Variants in ARL15 observed in about 807,000 individuals in gnomAD.
ARL15 encodes ARF like GTPase 15.
A neutral mutation model predicts 25.2 loss-of-function variants in ARL15; 19 were observed. That is an observed-to-expected ratio of 0.75 (90% CI 0.53 to 1.10). ARL15 has a LOEUF of 1.10. Ranked by LOEUF, ARL15 falls within the 50% of genes least tolerant of loss-of-function variation. ARL15 has a pLI of 0.00. For synonymous variants in ARL15, 94 were observed against 86.8 expected (o/e 1.08, Z -0.46); for missense variants, 220 against 246.0 (o/e 0.89, Z 0.71).
chr5:54,143,963 A>G (rs959719820), intron 3 of ARL15, among the ~76,000 whole-genome samples: 7 of 151,988 alleles, frequency 4.6e-5, no homozygotes, highest in Non-Finnish European at 1.0e-4. Flanking sequence ...ATCATAATCT[A>G]TACCCTAAAT....
intron 1 of ARL15, among the ~76,000 whole-genome samples, chr5:54,184,893 T>C (rs1395109209): frequency 1.3e-5 from 2 of 152,166 alleles, no homozygotes; most frequent in African/African-American, 4.8e-5. Flanking sequence ...CTGGTGTCAT[T>C]AGTTCAGGTC....
chr5:54,150,481 G>A (rs561783155), intron 3 of ARL15, among the ~76,000 whole-genome samples: 1 of 152,170 alleles, frequency 6.6e-6, no homozygotes, highest in South Asian at 2.1e-4. Context: ...TTTGAGCAGA[G>A]AGCAAGGTAT....
chr5:53,889,411 G>A (rs889887813), intron 4 of ARL15, among the ~76,000 whole-genome samples: 1 of 152,208 alleles, frequency 6.6e-6, no homozygotes, highest in Non-Finnish European at 1.5e-5. Flanking sequence ...TAATACAGGT[G>A]TCTGCAGGTA....
rs1342675344 is a variant in ARL15 at position 54,309,048 on chromosome 5, G to A, written c.48+1384C>T. Among the ~76,000 whole-genome samples the A allele has an allele frequency of 2.0e-5, 3 of 152,130 alleles. No individual in the cohort carries two copies. The East Asian group carries it at 5.8e-4, about 29-fold the overall frequency. ...TATTTAACTTAGAAAATAATCTTCTGGCAGCTCTCTTAACTTACAGGGCAC... is the reference window on the plus strand; with the variant it reads ...TATTTAACTTAGAAAATAATCTTCTAGCAGCTCTCTTAACTTACAGGGCAC... On this transcript the variant is annotated intron_variant, in intron 1 of 4. Coordinates refer to ENST00000504924, the MANE Select transcript of ARL15 (RefSeq NM_019087.3).
At chr5:54,141,151 T>C (rs1228591670) in intron 3 of ARL15, among the ~76,000 whole-genome samples, 2 of 152,186 alleles carry the variant, frequency 1.3e-5, no homozygotes, top group African/African-American at 2.4e-5. Context: ...CTGTCATTTT[T>C]TTTTATTAAC....
intron 1 of ARL15, among the ~76,000 whole-genome samples, chr5:54,192,042 C>T (rs1163968896): frequency 6.6e-6 from 1 of 152,152 alleles, no homozygotes; most frequent in African/African-American, 2.4e-5. Flanking sequence ...TCCAAGCAAC[C>T]TGGCCTTCTT....
chr5:54,188,753 A>C (rs1343475729), intron 1 of ARL15, among the ~76,000 whole-genome samples: 2 of 152,200 alleles, frequency 1.3e-5, no homozygotes, highest in Non-Finnish European at 2.9e-5. Flanking sequence ...TCATTGTCAC[A>C]TAATCTGGGG....
intron 4 of ARL15, among the ~76,000 whole-genome samples, chr5:54,095,584 T>C (rs1283782517): frequency 6.6e-6 from 1 of 152,196 alleles, no homozygotes; most frequent in African/African-American, 2.4e-5. Flanking sequence ...TTCTGTAATG[T>C]AGTCCTGTGT....
intron 4 of ARL15, among the ~76,000 whole-genome samples, chr5:54,039,495 A>T (rs1750265922): frequency 6.6e-6 from 1 of 152,172 alleles, no homozygotes. Context: ...GGAGAACTGT[A>T]AAGTTCTTTG....
At chr5:53,977,076 AG>A (rs1747950360) in intron 4 of ARL15, among the ~76,000 whole-genome samples, 1 of 152,168 alleles carries the variant, frequency 6.6e-6, no homozygotes, top group South Asian at 2.1e-4. Flanking sequence ...ATATCCCACT[AG>A]GCAAGGTGCG....
intron 4 of ARL15, among the ~76,000 whole-genome samples, chr5:54,045,840 C>T (rs972430289): frequency 6.6e-6 from 1 of 152,220 alleles, no homozygotes; most frequent in South Asian, 2.1e-4. Context: ...AAAGAGCCAA[C>T]TCACTTGAAG....
chr5:53,911,435 G>A (rs1745460388), intron 4 of ARL15, among the ~76,000 whole-genome samples: 1 of 151,870 alleles, frequency 6.6e-6, no homozygotes. Context: ...GATATTTTCA[G>A]GTGATAGGAT....
chr5:53,986,354 T>C (rs754330215), intron 4 of ARL15, among the ~76,000 whole-genome samples: 3 of 152,062 alleles, frequency 2.0e-5, no homozygotes, highest in Non-Finnish European at 4.4e-5. Flanking sequence ...TTGGGAGAAA[T>C]AATTTATTTT....
chr5:54,116,460 G>A (rs772494858), intron 3 of ARL15, among the ~76,000 whole-genome samples: 11 of 152,188 alleles, frequency 7.2e-5, no homozygotes, highest in Non-Finnish European at 1.3e-4. Context: ...AACAAAAATA[G>A]TGTGCATGTG....
intron 4 of ARL15, among the ~76,000 whole-genome samples, chr5:54,029,914 G>C (rs982777540): frequency 6.6e-6 from 1 of 151,886 alleles, no homozygotes; most frequent in Non-Finnish European, 1.5e-5. Flanking sequence ...GGAGAATTAC[G>C]TGAACCTGGG....
chr5:53,893,147 G>A (rs573048575), intron 4 of ARL15, among the ~76,000 whole-genome samples: 1 of 152,120 alleles, frequency 6.6e-6, no homozygotes, highest in Admixed American at 6.5e-5. Context: ...GTGATATGGT[G>A]GGGCCCGCTG....
intron 4 of ARL15, among the ~76,000 whole-genome samples, chr5:54,089,449 G>A (rs1752067909): frequency 6.6e-6 from 1 of 151,956 alleles, no homozygotes; most frequent in Non-Finnish European, 1.5e-5. Context: ...CCATAATTAT[G>A]GAAAAGCATT....
intron 4 of ARL15, among the ~76,000 whole-genome samples, chr5:54,108,673 T>C (rs1342195674): frequency 2.6e-5 from 4 of 151,978 alleles, no homozygotes; most frequent in African/African-American, 4.8e-5. Flanking sequence ...GCAATATAAA[T>C]ATAAAATAAT....
chr5:53,976,941 T>C (rs1019353761), intron 4 of ARL15, among the ~76,000 whole-genome samples: 1 of 152,226 alleles, frequency 6.6e-6, no homozygotes, highest in African/African-American at 2.4e-5. Flanking sequence ...CAGTTGTATT[T>C]CATTTGTTCT....
Sources: allele counts gnomAD v4.1 joint callset (sites outside exome capture counted in the v4.1 genomes callset), GRCh38; gene constraint gnomAD v4.1.1; transcripts MANE v1.5; gene names NCBI Gene and HGNC (gene_info 2026-07-23, HGNC 2026-07-21).